TRIM14: variants seen among roughly 807,000 people sequenced by gnomAD.
TRIM14 encodes tripartite motif-containing protein 14.
Under a neutral mutation model 44.5 loss-of-function variants are expected in TRIM14, and 28 were observed. The observed-to-expected ratio is 0.63, with a 90% CI of 0.47 to 0.86. The LOEUF (loss-of-function observed/expected upper bound fraction) is 0.86. Among genes scored for constraint, TRIM14 ranks in the 40% least tolerant of loss-of-function variants. TRIM14 has a pLI of 0.00. For missense variants in TRIM14, 607 were observed against 611.1 expected, an observed-to-expected ratio of 0.99 and a Z score of 0.07; for synonymous variants, 299 against 269.2, an observed-to-expected ratio of 1.11 and a Z score of -1.08.
chr9:98,091,678 G>C (rs1311395007), intron 5 of TRIM14, among the ~76,000 whole-genome samples: 1 of 152,064 alleles, frequency 6.6e-6, no homozygotes, highest in East Asian at 1.9e-4. Context: ...ATTCACAGAA[G>C]AGGGATTATG....
chr9:98,088,123 G>C (rs1825864684), intron 5 of TRIM14, 118 bp from the exon 6 acceptor site: 1 of 1,208,020 alleles, frequency 8.3e-7, no homozygotes, highest in Non-Finnish European at 1.1e-6. Context: ...AATGGCCCAA[G>C]GAAGGGGTGA....
At chr9:98,037,039 G>A in the TRIM14 span, among the ~76,000 whole-genome samples, 1 of 152,062 alleles carries the variant, frequency 6.6e-6, no homozygotes, top group Non-Finnish European at 1.5e-5. Context: ...ACACTCTAGA[G>A]GGAATGACAG....
intron 1 of TRIM14, among the ~76,000 whole-genome samples, chr9:98,115,124 C>T (rs554272730): frequency 1.3e-5 from 2 of 151,834 alleles, no homozygotes; most frequent in South Asian, 4.2e-4. Context: ...GAGTCTTGCT[C>T]TGTCACCCAG....
intron 5 of TRIM14, among the ~76,000 whole-genome samples, chr9:98,091,062 A>G (rs1825978368): frequency 6.6e-6 from 1 of 152,176 alleles, no homozygotes; most frequent in Admixed American, 6.5e-5. Context: ...AGTCTTTTTT[A>G]GGTTGACACC....
chr9:98,058,068 C>T, the TRIM14 span, among the ~76,000 whole-genome samples: 4 of 151,536 alleles, frequency 2.6e-5, no homozygotes, highest in Admixed American at 6.6e-5. Flanking sequence ...GACCCACAGG[C>T]GTGAACCACC....
intron 6 of TRIM14, chr9:98,075,404 AGGAAGGAAAGGGAGAGAGGGAG>A (rs1466460275): frequency 1.1e-4 from 16 of 139,726 alleles, no homozygotes; most frequent in African/African-American, 3.9e-4. Flanking sequence ...GGAGGGAGGG[AGGAAGGAAAGGGAGAGAGGGAG>A]GGAAGGAAAG....
At chr9:98,039,881 G>A in the TRIM14 span, among the ~76,000 whole-genome samples, 4 of 152,068 alleles carry the variant, frequency 2.6e-5, no homozygotes, top group African/African-American at 9.7e-5. Context: ...CCGCACAGCC[G>A]GCTCTGCATG....
intron 1 of TRIM14, among the ~76,000 whole-genome samples, chr9:98,115,408 G>A (rs905279218): frequency 6.6e-6 from 1 of 152,128 alleles, no homozygotes; most frequent in Non-Finnish European, 1.5e-5. Flanking sequence ...CCACCACCAT[G>A]CCCAGCTAAT....
At chr9:98,050,819 G>A in the TRIM14 span, among the ~76,000 whole-genome samples, 21 of 152,194 alleles carry the variant, frequency 1.4e-4, no homozygotes, top group South Asian at 4.1e-3. Flanking sequence ...TGTCACCCAG[G>A]CTGGAGTGCA....
At chr9:98,083,469 C>T (rs1049086022), downstream of TRIM14, among the ~76,000 whole-genome samples, 3 of 152,190 alleles carry the variant, frequency 2.0e-5, no homozygotes, top group Non-Finnish European at 4.4e-5. Context: ...CTTTCCTGCC[C>T]TTGGCCTCTG....
At chr9:98,083,339 C>A (rs945676834), downstream of TRIM14, among the ~76,000 whole-genome samples, 1 of 152,236 alleles carries the variant, frequency 6.6e-6, no homozygotes, top group Admixed American at 6.5e-5. Flanking sequence ...CAAACAAAGT[C>A]CATATCCTCC....
intron 3 of TRIM14, among the ~76,000 whole-genome samples, chr9:98,096,849 G>A (rs549951189): frequency 2.0e-4 from 31 of 152,218 alleles, no homozygotes; most frequent in African/African-American, 7.0e-4. Flanking sequence ...TATCTCTAAA[G>A]TGACTTTTCT....
chr9:98,093,899 C>T (rs956323532), intron 4 of TRIM14, among the ~76,000 whole-genome samples: 3 of 152,164 alleles, frequency 2.0e-5, no homozygotes, highest in Admixed American at 6.5e-5. Flanking sequence ...GTGCATGCCA[C>T]CATGCCTGGC....
chr9:98,061,994 G>A, the TRIM14 span, among the ~76,000 whole-genome samples: 1 of 151,762 alleles, frequency 6.6e-6, no homozygotes, highest in Non-Finnish European at 1.5e-5. Context: ...GGCTGAGCTG[G>A]AAGGACTGCT....
chr9:98,099,919 C>A lies in TRIM14; in HGVS notation c.537+12G>T. The A allele has an allele frequency of 6.2e-7, 1 of 1,608,718 alleles. No individual in the cohort carries two copies. The highest frequency in any genetic ancestry group is 1.7e-5 in the Admixed American group (1 of 59,962). On this transcript the variant is annotated intron_variant, in intron 3 of 5. Transcript: ENST00000341469. The stretch of plus-strand genomic sequence containing the variant: ...CAGGTGGCAGCAGTAAGAGCAGTGA[C>A]CCCAGCATTACCTGAAGCCTCTGGA...
At chr9:98,055,258 A>T in the TRIM14 span, among the ~76,000 whole-genome samples, 5 of 152,114 alleles carry the variant, frequency 3.3e-5, no homozygotes, top group African/African-American at 1.2e-4. Flanking sequence ...ACCTCAGGTG[A>T]TCCACCCGCC....
chr9:98,105,482 G>A (rs1411899998), intron 2 of TRIM14, among the ~76,000 whole-genome samples: 2 of 152,236 alleles, frequency 1.3e-5, no homozygotes, highest in East Asian at 3.8e-4. Flanking sequence ...GGGAGGCTGA[G>A]GCAGGAGAAT....
At chr9:98,109,860 A>G (rs1218677760) in intron 2 of TRIM14, 29 bp downstream of exon 2, 10 of 1,579,128 alleles carry the variant, frequency 6.3e-6, no homozygotes, top group Non-Finnish European at 8.7e-6. Flanking sequence ...GGGTCTTTCC[A>G]TGGGTATGAG....
chr9:98,049,731 A>G, the TRIM14 span, among the ~76,000 whole-genome samples: 1 of 152,150 alleles, frequency 6.6e-6, no homozygotes, highest in Non-Finnish European at 1.5e-5. Flanking sequence ...CCTTTGTGAC[A>G]TGTACCCTGT....
Sources: allele counts gnomAD v4.1 joint callset (sites outside exome capture counted in the v4.1 genomes callset), GRCh38; gene constraint gnomAD v4.1.1; transcripts MANE v1.5; gene names NCBI Gene and HGNC (gene_info 2026-07-23, HGNC 2026-07-21).